The following SH3RF3 variants were observed in gnomAD, a reference collection of about 807,000 sequenced individuals.
The protein encoded by SH3RF3 is E3 ubiquitin-protein ligase SH3RF3.
In SH3RF3, 29 loss-of-function variants were observed where a neutral mutation model predicts 66.3. The ratio of observed to expected loss-of-function variants is 0.44; its 90% CI spans 0.33 to 0.60. The LOEUF (loss-of-function observed/expected upper bound fraction) is 0.60. SH3RF3 is among the 20% of genes least tolerant of loss of function. The pLI is 0.04. For synonymous variants in SH3RF3, 583 were observed against 532.0 expected (o/e 1.10, Z -1.32); for missense variants, 1,194 against 1,190.9 (o/e 1.00, Z -0.04).
At chr2:109,305,197 G>A (rs1160602249) in intron 1 of SH3RF3, among the ~76,000 whole-genome samples, 5 of 152,160 alleles carry the variant, frequency 3.3e-5, no homozygotes, top group Non-Finnish European at 5.9e-5. Flanking sequence ...GGGTTGTGAT[G>A]TTCTAATATA....
chr2:109,455,577 C>A (rs1054219081), intron 8 of SH3RF3, among the ~76,000 whole-genome samples: 1 of 152,186 alleles, frequency 6.6e-6, no homozygotes, highest in African/African-American at 2.4e-5. Context: ...TTATATTTTT[C>A]ATGAAACCCC....
chr2:109,335,778 C>A (rs1402340968), intron 1 of SH3RF3, among the ~76,000 whole-genome samples: 1 of 152,186 alleles, frequency 6.6e-6, no homozygotes, highest in Non-Finnish European at 1.5e-5. Context: ...TGACTAACTG[C>A]ATAAATGTCC....
At chr2:109,402,488 G>A (rs1367968111) in intron 4 of SH3RF3, among the ~76,000 whole-genome samples, 1 of 152,220 alleles carries the variant, frequency 6.6e-6, no homozygotes, top group African/African-American at 2.4e-5. Flanking sequence ...CACTGCCATC[G>A]TGGGAAACGT....
intron 8 of SH3RF3, among the ~76,000 whole-genome samples, chr2:109,468,788 A>T (rs912510036): frequency 2.9e-5 from 4 of 138,964 alleles, no homozygotes; most frequent in African/African-American, 5.4e-5. Flanking sequence ...TGGGAGGTGG[A>T]GTTTGCAGTG....
intron 8 of SH3RF3, among the ~76,000 whole-genome samples, chr2:109,489,729 GT>G (rs953133665): frequency 2.3e-5 from 3 of 130,892 alleles, no homozygotes; most frequent in Non-Finnish European, 4.8e-5. Context: ...GTCGGACAAG[GT>G]TTTTTTTGGC....
chr2:109,232,150 A>G (rs943082236), intron 1 of SH3RF3, among the ~76,000 whole-genome samples: 3 of 152,228 alleles, frequency 2.0e-5, no homozygotes, highest in Non-Finnish European at 2.9e-5. Flanking sequence ...TAGTGGAATG[A>G]CCAGATCATG....
chr2:109,462,797 C>G (rs1199167714), intron 8 of SH3RF3, among the ~76,000 whole-genome samples: 1 of 152,146 alleles, frequency 6.6e-6, no homozygotes, highest in East Asian at 1.9e-4. Context: ...CATACTTGAA[C>G]TGTTGTGAGA....
At chr2:109,277,038 G>A (rs541226490) in intron 1 of SH3RF3, among the ~76,000 whole-genome samples, 1 of 152,126 alleles carries the variant, frequency 6.6e-6, no homozygotes, top group Admixed American at 6.6e-5. Flanking sequence ...CTGTCAAATG[G>A]CAGGCACCAT....
chr2:109,379,681 G>A (rs1282747496), intron 3 of SH3RF3, among the ~76,000 whole-genome samples: 1 of 152,154 alleles, frequency 6.6e-6, no homozygotes, highest in African/African-American at 2.4e-5. Context: ...CCTGTGGAAG[G>A]GATCCCCCAG....
intron 1 of SH3RF3, among the ~76,000 whole-genome samples, chr2:109,203,970 T>C (rs13396542): frequency 0.84 from 128,499 of 152,212 alleles, 54,356 homozygotes; most frequent in African/African-American, 0.88. Context: ...GGTGCTCCAG[T>C]GTGAAGCATT....
At chr2:109,451,082 G>C (rs1417143388) in intron 8 of SH3RF3, among the ~76,000 whole-genome samples, 1 of 152,226 alleles carries the variant, frequency 6.6e-6, no homozygotes, top group Non-Finnish European at 1.5e-5. Flanking sequence ...GGTTCCGCAG[G>C]GCCTCAGCAC....
intron 1 of SH3RF3, among the ~76,000 whole-genome samples, chr2:109,336,047 C>T (rs879294179): frequency 3.3e-5 from 5 of 152,146 alleles, no homozygotes; most frequent in Non-Finnish European, 5.9e-5. Flanking sequence ...AAAGCTTTAG[C>T]GTAGAAGGCA....
intron 1 of SH3RF3, among the ~76,000 whole-genome samples, chr2:109,244,783 G>A (rs1412282163): frequency 1.3e-5 from 2 of 152,188 alleles, no homozygotes; most frequent in Admixed American, 6.5e-5. Flanking sequence ...TGTGGCCCAG[G>A]GCAGGTGCCC....
chr2:109,339,169 G>A lies in SH3RF3; in HGVS notation c.574-8505G>A, dbSNP rs72939586. 7.6e-3 allele frequency among the ~76,000 whole-genome samples: 1,149 copies of A among 151,948 alleles called. 13 individuals carry two copies. The highest frequency in any genetic ancestry group is 0.027 in the African/African-American group (1,098 of 41,422). ...CAGAGAAGAGGTAGAGGAGGTGGAC[G>A]GGTAGGCAGAGAAGGGAGGCACACT... On this transcript the variant is annotated intron_variant, in intron 1 of 9. Transcript: ENST00000309415.
chr2:109,388,540 G>A (rs565461388), intron 3 of SH3RF3, among the ~76,000 whole-genome samples: 20 of 152,324 alleles, frequency 1.3e-4, no homozygotes, highest in Admixed American at 9.1e-4. Context: ...TTACAGCTCT[G>A]TAGAGGGGTG....
chr2:109,295,241 C>T (rs1681280896), intron 1 of SH3RF3, among the ~76,000 whole-genome samples: 1 of 152,222 alleles, frequency 6.6e-6, no homozygotes, highest in Non-Finnish European at 1.5e-5. Flanking sequence ...CTCCTTTGCA[C>T]ACACTCCCTC....
chr2:109,391,590 G>T (rs921747379), intron 3 of SH3RF3, among the ~76,000 whole-genome samples: 4 of 152,212 alleles, frequency 2.6e-5, no homozygotes, highest in African/African-American at 9.7e-5. Flanking sequence ...GTGTGGCCAC[G>T]GCTTGTGGCC....
intron 1 of SH3RF3, among the ~76,000 whole-genome samples, chr2:109,172,421 T>C (rs1375877008): frequency 1.3e-5 from 2 of 152,242 alleles, no homozygotes; most frequent in Non-Finnish European, 1.5e-5. Context: ...TCTGTGACTG[T>C]AACCTAAAAA....
At chr2:109,398,525 C>G in intron 3 of SH3RF3, 65 bp from the exon 4 acceptor site, 1 of 1,382,478 alleles carries the variant, frequency 7.2e-7, no homozygotes, top group African/African-American at 1.4e-5. Flanking sequence ...CTGGAGAGTG[C>G]AGAGGGCTGG....
Sources: allele counts gnomAD v4.1 joint callset (sites outside exome capture counted in the v4.1 genomes callset), GRCh38; gene constraint gnomAD v4.1.1; transcripts MANE v1.5; gene names NCBI Gene and HGNC (gene_info 2026-07-23, HGNC 2026-07-21).